ERCC6L2: variants seen among roughly 807,000 people sequenced by gnomAD.
ERCC6L2 encodes the protein ERCC excision repair 6 like 2, also known as DNA excision repair protein ERCC-6-like 2.
A neutral mutation model predicts 132.0 loss-of-function variants in ERCC6L2; 77 were observed. The observed-to-expected ratio is 0.58, with a 90% CI of 0.49 to 0.71. The LOEUF (loss-of-function observed/expected upper bound fraction) is 0.71, where lower values mean the gene tolerates loss of function less well. Among genes scored for constraint, ERCC6L2 ranks in the 30% least tolerant of loss-of-function variants. The pLI is 0.00. For synonymous variants in ERCC6L2, 583 were observed against 632.4 expected (o/e 0.92, Z 1.17); for missense variants, 1,542 against 1,837.6 (o/e 0.84, Z 2.94).
intron 1 of ERCC6L2, among the ~76,000 whole-genome samples, chr9:95,877,784 C>T (rs1004772830): frequency 4.7e-5 from 7 of 147,506 alleles, no homozygotes. Flanking sequence ...CCAGACTGGG[C>T]GACAGAGACA....
intron 19 of ERCC6L2, among the ~76,000 whole-genome samples, chr9:96,028,144 A>G (rs1485356386): frequency 6.6e-6 from 1 of 152,052 alleles, no homozygotes; most frequent in African/African-American, 2.4e-5. Flanking sequence ...AGGGTCACAC[A>G]CTGAGCATCT....
At chr9:96,030,558 C>T (rs552503466) in intron 19 of ERCC6L2, among the ~76,000 whole-genome samples, 16 of 152,084 alleles carry the variant, frequency 1.1e-4, no homozygotes, top group African/African-American at 3.4e-4. Flanking sequence ...AAAAATTAGC[C>T]GGGCGTGGTG....
chr9:95,972,371 A>G lies in ERCC6L2; in HGVS notation c.2620A>G (p.Ile874Val), dbSNP rs957036220. 16 of 1,281,250 alleles carry G rather than the reference A, an allele frequency of 1.2e-5. No homozygotes were observed. The African/African-American group carries it at 1.7e-4, about 14-fold the overall frequency. 79.4% of individuals were successfully genotyped at this position (1,281,250 alleles called of 1,614,324 possible). ...AAGTGAGAAGATTTTAGAACAGAAT[A>G]TTTCTTCCAAGTCTGACGAGAAAAA... Reference protein sequence around the residue: ...YKSEKILEQNISSKSDEKKIK... With the variant: ...YKSEKILEQNVSSKSDEKKIK... Residue 874 changes from isoleucine (I) to valine (V), a missense_variant, in exon 16 of 19, where the codon ATT becomes GTT. By Grantham distance (29) the Ile-to-Val change is conservative. Coordinates refer to ENST00000653738, the MANE Select transcript of ERCC6L2 (RefSeq NM_020207.7).
intron 12 of ERCC6L2, among the ~76,000 whole-genome samples, chr9:95,953,712 TAAAGA>T (rs1019722569): frequency 4.6e-5 from 7 of 151,202 alleles, no homozygotes; most frequent in African/African-American, 1.5e-4. Context: ...AGGAACAAAG[TAAAGA>T]AAATAGAATT....
intron 19 of ERCC6L2, among the ~76,000 whole-genome samples, chr9:96,030,567 T>G (rs1834443884): frequency 6.6e-6 from 1 of 151,702 alleles, no homozygotes; most frequent in African/African-American, 2.4e-5. Flanking sequence ...CCGGGCGTGG[T>G]GGCGGGCACC....
intron 12 of ERCC6L2, among the ~76,000 whole-genome samples, chr9:95,951,867 T>C (rs1183962565): frequency 6.6e-6 from 1 of 151,934 alleles, no homozygotes; most frequent in African/African-American, 2.4e-5. Flanking sequence ...TACCAAGCAT[T>C]TAAAGAATTT....
intron 2 of ERCC6L2, among the ~76,000 whole-genome samples, chr9:95,881,759 C>G (rs988697968): frequency 3.9e-5 from 6 of 152,154 alleles, no homozygotes; most frequent in African/African-American, 1.2e-4. Context: ...TTGTGAACTT[C>G]AGAGAGACTT....
At chr9:95,903,344 A>AT (rs1191643290) in intron 3 of ERCC6L2, among the ~76,000 whole-genome samples, 1 of 152,034 alleles carries the variant, frequency 6.6e-6, no homozygotes, top group Non-Finnish European at 1.5e-5. Context: ...AGTTTTAGTT[A>AT]TTTTAGCTTT....
chr9:95,918,159 C>T (rs1441656241), intron 6 of ERCC6L2: 8 of 470,124 alleles, frequency 1.7e-5, no homozygotes, highest in African/African-American at 4.0e-5. Flanking sequence ...GAGTTGTGGT[C>T]ATCCTGGCTA....
chr9:95,930,068 C>T (rs185493470), intron 11 of ERCC6L2, among the ~76,000 whole-genome samples: 3 of 152,290 alleles, frequency 2.0e-5, no homozygotes, highest in African/African-American at 7.2e-5. Context: ...GCTCTATTAA[C>T]TCCTGTACTT....
At chr9:96,036,950 T>C (rs998690348) in intron 19 of ERCC6L2, among the ~76,000 whole-genome samples, 1 of 150,860 alleles carries the variant, frequency 6.6e-6, no homozygotes, top group African/African-American at 2.4e-5. Context: ...GTATTTTTAG[T>C]AGAGACGGGG....
chr9:95,901,849 A>G (rs568936386), intron 3 of ERCC6L2, among the ~76,000 whole-genome samples: 1 of 152,380 alleles, frequency 6.6e-6, no homozygotes, highest in South Asian at 2.1e-4. Flanking sequence ...ATTTCCCAGA[A>G]GTAAATACAA....
At chr9:95,980,188 A>G (rs543596667) in intron 17 of ERCC6L2, among the ~76,000 whole-genome samples, 98 of 152,260 alleles carry the variant, frequency 6.4e-4, no homozygotes, top group African/African-American at 2.2e-3. Context: ...GGACAACACA[A>G]TCTCATTAGA....
rs1833329277 is a variant in ERCC6L2 at position 95,992,279 on chromosome 9, T to C, written c.3493-12241T>C. 2.6e-5 allele frequency among the ~76,000 whole-genome samples: 4 copies of C among 152,200 alleles called. No homozygotes were observed. In the South Asian group the frequency reaches 8.3e-4, roughly 31 times the overall value. ...ATTAGGTGATAAAGACTTTAAATTT[T>C]CAGTAGATATAACCCACACAAACAA... On this transcript the variant is annotated intron_variant, in intron 17 of 18. Transcript: ENST00000653738.
At chr9:95,963,854 C>CA (rs1832028636) in intron 13 of ERCC6L2, among the ~76,000 whole-genome samples, 1 of 152,260 alleles carries the variant, frequency 6.6e-6, no homozygotes, top group Admixed American at 6.5e-5. Context: ...ATACCACAGA[C>CA]ATGATACTGT....
rs938652811 is a variant in ERCC6L2 at position 96,036,912 on chromosome 9, G to A, written c.*1504-1964G>A. Among the ~76,000 whole-genome samples, 707 of 149,312 alleles carry A rather than the reference G, an allele frequency of 4.7e-3. 4 individuals carry two copies. Among genetic ancestry groups the A allele is most frequent in the African/African-American group, 0.015 (631 of 40,936 alleles). The stretch of plus-strand genomic sequence containing the variant: ...CTCCCAAGTAGCTGGGACTACAGGC[G>A]CCCGCCACTACGCCCGGCTAATTTT... On this transcript the variant is annotated intron_variant and NMD_transcript_variant, in intron 19 of 20. Transcript: ENST00000670016.
intron 2 of ERCC6L2, among the ~76,000 whole-genome samples, chr9:95,893,794 T>G (rs1405203569): frequency 6.6e-6 from 1 of 152,172 alleles, no homozygotes; most frequent in Non-Finnish European, 1.5e-5. Context: ...TTGCCAGGGG[T>G]TTATTGAAAA....
At chr9:95,949,552 T>G (rs184125440) in intron 12 of ERCC6L2, among the ~76,000 whole-genome samples, 1 of 151,878 alleles carries the variant, frequency 6.6e-6, no homozygotes, top group East Asian at 1.9e-4. Context: ...ATATATTTAA[T>G]GTATTGGGGG....
At chr9:95,965,475 C>A (rs778959825) in intron 13 of ERCC6L2, among the ~76,000 whole-genome samples, 57 of 152,192 alleles carry the variant, frequency 3.7e-4, no homozygotes, top group Middle Eastern at 3.4e-3. Context: ...TATTACAGTG[C>A]AAATGAACTC....
Sources: gnomAD v4.1 joint callset for allele counts (sites outside exome capture counted in the v4.1 genomes callset) on GRCh38, gnomAD v4.1.1 for gene constraint, MANE v1.5 for transcripts, NCBI Gene and HGNC (gene_info 2026-07-23, HGNC 2026-07-21) for gene names.